The following POU2F3 variants were observed in gnomAD, a reference collection of about 807,000 sequenced individuals.
POU2F3 encodes POU domain, class 2, transcription factor 3.
A neutral mutation model predicts 59.2 loss-of-function variants in POU2F3; 23 were observed. The observed-to-expected ratio is 0.39, with a 90% CI of 0.28 to 0.55. The LOEUF (loss-of-function observed/expected upper bound fraction) is 0.55, where lower values mean the gene tolerates loss of function less well. POU2F3 is among the 20% of genes least tolerant of loss of function. POU2F3 has a pLI of 0.66. For synonymous variants in POU2F3, 190 were observed against 214.6 expected (o/e 0.89, Z 1.00); for missense variants, 473 against 544.5 (o/e 0.87, Z 1.31).
In POU2F3 at chr11:120,307,567, C is replaced by G. The variant is rs757029387; in HGVS notation, c.858C>G (p.Thr286=). The G allele has an allele frequency of 6.2e-7, 1 of 1,614,198 alleles. No individual in the cohort carries two copies. The highest frequency in any genetic ancestry group is 8.5e-7 in the Non-Finnish European group (1 of 1,180,038). The change falls in exon 9 of 13, where the codon ACC becomes ACG. Residue 286 remains threonine (T), a synonymous_variant. Coordinates refer to ENST00000543440, the MANE Select transcript of POU2F3 (RefSeq NM_014352.4). The part of the protein sequence containing the change: ...EVFGRKRKKR[T]SIETNIRLTL... ...TTGGTAGGAAGAGAAAGAAACGGAC[C>G]AGCATCGAGACCAACATCCGCCTGA...
intron 5 of POU2F3, 131 bp downstream of exon 5, chr11:120,299,857 A>G: frequency 1.5e-6 from 1 of 685,056 alleles, no homozygotes; most frequent in Non-Finnish European, 2.4e-6. Context: ...ATTAAGACCT[A>G]CTTATCCACC....
intron 2 of POU2F3, among the ~76,000 whole-genome samples, chr11:120,262,135 G>T (rs2135173472): frequency 6.6e-6 from 1 of 152,304 alleles, no homozygotes; most frequent in Middle Eastern, 3.4e-3. Context: ...ACTGCACCAG[G>T]CACAGGGCCA....
intron 3 of POU2F3, among the ~76,000 whole-genome samples, chr11:120,289,400 C>T (rs1940941775): frequency 6.6e-6 from 1 of 152,212 alleles, no homozygotes; most frequent in Non-Finnish European, 1.5e-5. Flanking sequence ...CAGTCATGCT[C>T]TCTTCAAATC....
chr11:120,267,251 C>A (rs1939864845), intron 2 of POU2F3, among the ~76,000 whole-genome samples: 2 of 152,060 alleles, frequency 1.3e-5, no homozygotes, highest in South Asian at 4.2e-4. Context: ...GCCTCACCCT[C>A]CCGAATAGCT....
chr11:120,299,544 G>T, intron 4 of POU2F3, 80 bp from the exon 5 acceptor site: 1 of 1,300,884 alleles, frequency 7.7e-7, no homozygotes, highest in Non-Finnish European at 1.1e-6. Context: ...AGACCCCTGG[G>T]ACGGACGAGT....
chr11:120,283,193 C>T (rs1940642052), intron 3 of POU2F3, among the ~76,000 whole-genome samples: 1 of 152,196 alleles, frequency 6.6e-6, no homozygotes, highest in Non-Finnish European at 1.5e-5. Context: ...TGAACCAGAA[C>T]CAACTTCCTT....
At chr11:120,295,435 C>T (rs1208567168) in intron 3 of POU2F3, among the ~76,000 whole-genome samples, 1 of 152,218 alleles carries the variant, frequency 6.6e-6, no homozygotes, top group Non-Finnish European at 1.5e-5. Context: ...TCCATCCTGC[C>T]TCCCCAGTAC....
intron 10 of POU2F3, among the ~76,000 whole-genome samples, chr11:120,313,969 G>A (rs4938796): frequency 0.31 from 47,398 of 152,076 alleles, 8,432 homozygotes; most frequent in Middle Eastern, 0.44. Context: ...AACCGTGATC[G>A]TGCCATTGCA....
intron 1 of POU2F3, 139 bp from the exon 2 acceptor site, chr11:120,246,310 T>C: frequency 1.2e-6 from 1 of 863,290 alleles, no homozygotes; most frequent in South Asian, 1.5e-5. Context: ...CTAATGGTTG[T>C]ATGTTCGGGA....
intron 3 of POU2F3, among the ~76,000 whole-genome samples, chr11:120,284,461 C>T (rs189028727): frequency 5.3e-5 from 8 of 152,248 alleles, no homozygotes; most frequent in South Asian, 2.1e-4. Context: ...TACCACTTGC[C>T]GGCTGGGCCC....
intron 5 of POU2F3, chr11:120,301,536 A>G (rs1941347092): frequency 6.5e-6 from 1 of 154,868 alleles, no homozygotes; most frequent in South Asian, 2.0e-4. Flanking sequence ...CTGTTGAGTG[A>G]CAAGCGATTG....
intron 3 of POU2F3, among the ~76,000 whole-genome samples, chr11:120,277,257 C>T (rs1940372097): frequency 6.6e-6 from 1 of 151,852 alleles, no homozygotes; most frequent in African/African-American, 2.4e-5. Flanking sequence ...TGCCACTGCA[C>T]TCCAGCCTGG....
At chr11:120,241,864 G>T (rs1938678721) in intron 1 of POU2F3, among the ~76,000 whole-genome samples, 1 of 152,104 alleles carries the variant, frequency 6.6e-6, no homozygotes. Flanking sequence ...AGAGGATATA[G>T]CAGAGAGCAG....
intron 3 of POU2F3, among the ~76,000 whole-genome samples, chr11:120,293,426 T>A (rs1192638611): frequency 1.3e-5 from 2 of 152,166 alleles, no homozygotes; most frequent in Non-Finnish European, 2.9e-5. Flanking sequence ...AATATATTTT[T>A]AAAATGTTTT....
At position 120,305,106 on chromosome 11, in the gene POU2F3, AG is replaced by A; in HGVS notation, c.522del (p.Lys174AsnfsTer64). The A allele has an allele frequency of 6.2e-7, 1 of 1,613,996 alleles. No homozygotes were observed. Among genetic ancestry groups the A allele is most frequent in the Non-Finnish European group, 8.5e-7 (1 of 1,180,014 alleles). On this transcript the variant is annotated frameshift_variant, in exon 7 of 13. Coordinates refer to ENST00000543440, the MANE Select transcript of POU2F3 (RefSeq NM_014352.4). LOFTEE classifies it high-confidence loss of function. ...GCATCCCAGCATCTCCCAGTGCCCA[AG>A]CATCTACCCAGCTCTGGAGGGGCCG... is the stretch of plus-strand genomic sequence containing the variant. ...LEASQHLPVP[K>X]HLPSSGGADE... is the part of the protein sequence containing the mutation.
At chr11:120,292,123 G>T (rs1331121706) in intron 3 of POU2F3, among the ~76,000 whole-genome samples, 1 of 152,084 alleles carries the variant, frequency 6.6e-6, no homozygotes, top group Non-Finnish European at 1.5e-5. Context: ...TTCTTAAGTA[G>T]ATTTCATCTG....
upstream of POU2F3, among the ~76,000 whole-genome samples, chr11:120,239,877 G>T (rs1319185575): frequency 6.6e-6 from 1 of 152,222 alleles, no homozygotes; most frequent in African/African-American, 2.4e-5. Flanking sequence ...TGGAGAACCC[G>T]CCAGGGCTTC....
intron 3 of POU2F3, among the ~76,000 whole-genome samples, chr11:120,274,490 G>A (rs1940241040): frequency 6.6e-6 from 1 of 152,222 alleles, no homozygotes; most frequent in Admixed American, 6.5e-5. Context: ...CAGCAAAGAA[G>A]AGGGATGAGT....
chr11:120,249,504 C>T (rs375782800), intron 2 of POU2F3, among the ~76,000 whole-genome samples: 8 of 152,174 alleles, frequency 5.3e-5, no homozygotes, highest in African/African-American at 9.7e-5. Context: ...GCCACCGCAC[C>T]GGGACTTTTC....
Sources: allele counts gnomAD v4.1 joint callset (sites outside exome capture counted in the v4.1 genomes callset), GRCh38; gene constraint gnomAD v4.1.1; transcripts MANE v1.5; gene names NCBI Gene and HGNC (gene_info 2026-07-23, HGNC 2026-07-21).